Variants in KMT2E observed in about 807,000 individuals in gnomAD.
KMT2E encodes lysine methyltransferase 2E (inactive).
Under a neutral mutation model 184.6 loss-of-function variants are expected in KMT2E, and 30 were observed. The ratio of observed to expected loss-of-function variants is 0.16; its 90% confidence interval spans 0.12 to 0.22. The LOEUF (loss-of-function observed/expected upper bound fraction) is 0.22, where lower values mean the gene tolerates loss of function less well. Among genes scored for constraint, KMT2E ranks in the 10% least tolerant of loss-of-function variants. The probability of loss-of-function intolerance (pLI) is 1.00; values close to 1 mark genes in which losing one functional copy is unlikely to be tolerated. For synonymous variants in KMT2E, 815 were observed against 776.5 expected (o/e 1.05, Z -0.82); for missense variants, 2,023 against 2,237.4 (o/e 0.90, Z 1.93).
intron 13 of KMT2E, among the ~76,000 whole-genome samples, chr7:105,086,334 A>G (rs1204741248): frequency 6.6e-6 from 1 of 152,210 alleles, no homozygotes; most frequent in Admixed American, 6.5e-5. Flanking sequence ...GAATGCGCAC[A>G]GCATGAGTTT....
At position 105,027,074 on chromosome 7, in the gene KMT2E, CTTTTTTTTTTTTT is replaced by C. The variant is rs34930855; in HGVS notation, c.-188-11040_-188-11028del. Among the ~76,000 whole-genome samples, 4 of 81,940 alleles carry C rather than the reference CTTTTTTTTTTTTT, an allele frequency of 4.9e-5. 1 individual carries two copies. The highest frequency in any genetic ancestry group is 8.0e-4 in the South Asian group (2 of 2,504). The allele number at this position is 81,940 out of a possible 152,430, so 53.8% of individuals were successfully genotyped here. On this transcript the variant is annotated intron_variant, in intron 1 of 26. Transcript: ENST00000311117. ...TCCCTTTGCAGAAAGGCCCCGCCCT[CTTTTTTTTTTTTT>C]TTTTTTTTTTTGGAGACAGGGTCTT...
intron 15 of KMT2E, among the ~76,000 whole-genome samples, chr7:105,093,828 A>G (rs1284058792): frequency 6.6e-6 from 1 of 152,260 alleles, no homozygotes; most frequent in Non-Finnish European, 1.5e-5. Flanking sequence ...GAATACTTCA[A>G]AGTTTTTATA....
chr7:105,023,402 C>CAAAAAAAAAAA (rs1158885663), intron 1 of KMT2E, among the ~76,000 whole-genome samples: 12 of 55,902 alleles, frequency 2.1e-4, no homozygotes, highest in East Asian at 5.7e-4. Context: ...GACTCTGTCT[C>CAAAAAAAAAAA]AAAAAAAAAA....
intron 3 of KMT2E, among the ~76,000 whole-genome samples, chr7:105,048,155 G>T (rs903398088): frequency 2.6e-5 from 4 of 152,056 alleles, no homozygotes; most frequent in Admixed American, 2.6e-4. Flanking sequence ...TCCTATCACA[G>T]CACCCCAAGT....
intron 6 of KMT2E, among the ~76,000 whole-genome samples, chr7:105,071,730 T>C (rs1348022101): frequency 6.8e-6 from 1 of 148,010 alleles, no homozygotes; most frequent in Non-Finnish European, 1.5e-5. Flanking sequence ...GTGCTGAGAT[T>C]ACAGGCGTGG....
chr7:105,030,399 G>A (rs1206976295), intron 1 of KMT2E, among the ~76,000 whole-genome samples: 1 of 152,208 alleles, frequency 6.6e-6, no homozygotes, highest in Non-Finnish European at 1.5e-5. Context: ...TGAATTTGAA[G>A]AGGAATGAGC....
At chr7:105,073,757 TA>T in intron 7 of KMT2E, 80 bp downstream of exon 7, 1 of 822,352 alleles carries the variant, frequency 1.2e-6, no homozygotes, top group Non-Finnish European at 2.0e-6. Flanking sequence ...TAGTTAAATG[TA>T]AATATTTTTA....
At chr7:105,047,422 T>C (rs1024335365) in intron 3 of KMT2E, among the ~76,000 whole-genome samples, 2 of 152,234 alleles carry the variant, frequency 1.3e-5, no homozygotes, top group Non-Finnish European at 2.9e-5. Flanking sequence ...TGGTAACTCT[T>C]GTCTGCACAG....
rs760613529 is a variant in KMT2E at position 105,025,453 on chromosome 7, G to A, written c.-189+10918G>A. Among the ~76,000 whole-genome samples the A allele has an allele frequency of 1.8e-4, 27 of 152,018 alleles. 1 individual carries two copies. Among genetic ancestry groups the A allele is most frequent in the Admixed American group, 3.3e-4 (5 of 15,264 alleles). On this transcript the variant is annotated intron_variant, in intron 1 of 26. Transcript: ENST00000311117. The stretch of plus-strand genomic sequence containing the variant: ...GTGTGTAAGGTCTATCATATGCTAA[G>A]GTGATCACTATTTATAGTTTATGTA...
rs147196269 is a variant in KMT2E, at chr7:105,074,740, A to G, written c.654A>G (p.Ser218=). ...CAACATCAATTACTTTAACTGCTTC[A>G]AGAGTTTCCAAAGTTAATGATAAAA... The part of the protein sequence containing the change: ...HTPTSITLTA[S]RVSKVNDKRR... Residue 218 remains serine (S), a synonymous_variant, in exon 8 of 27, where the codon TCA becomes TCG. Transcript: ENST00000311117. The G allele has an allele frequency of 2.4e-5, 39 of 1,611,566 alleles. No individual in the cohort carries two copies. In the African/African-American group the frequency reaches 3.6e-4, roughly 15 times the overall value.
chr7:105,024,632 A>G (rs965436152), intron 1 of KMT2E, among the ~76,000 whole-genome samples: 1 of 152,088 alleles, frequency 6.6e-6, no homozygotes, highest in African/African-American at 2.4e-5. Flanking sequence ...GCTCATTTTT[A>G]TATTCCAGTT....
chr7:105,020,492 G>A (rs752080805), intron 1 of KMT2E, among the ~76,000 whole-genome samples: 1 of 152,100 alleles, frequency 6.6e-6, no homozygotes, highest in Non-Finnish European at 1.5e-5. Flanking sequence ...GGCTGAGGCA[G>A]GAGAATTGCT....
intron 4 of KMT2E, among the ~76,000 whole-genome samples, chr7:105,063,071 A>T (rs1014852321): frequency 2.3e-5 from 3 of 131,312 alleles, no homozygotes; most frequent in African/African-American, 3.2e-5. Flanking sequence ...GGAGCTATGT[A>T]TGTGACCATA....
chr7:105,057,837 G>A (rs1019917932), intron 3 of KMT2E, among the ~76,000 whole-genome samples: 4 of 152,084 alleles, frequency 2.6e-5, no homozygotes, highest in Non-Finnish European at 2.9e-5. Context: ...AACAGTTGAG[G>A]ACTTTTTTGT....
intron 12 of KMT2E, 30 bp downstream of exon 12, chr7:105,078,993 G>A (rs1233366992): frequency 1.7e-6 from 2 of 1,201,294 alleles, no homozygotes; most frequent in Non-Finnish European, 2.5e-6. Context: ...TTGGGGAGAT[G>A]TGGGTGCTGG....
chr7:105,077,920 T>C (rs531759886), intron 11 of KMT2E: 1 of 156,454 alleles, frequency 6.4e-6, no homozygotes, highest in Middle Eastern at 3.4e-3. Context: ...ACACCCACTT[T>C]GTTGGTATTG....
At chr7:105,110,159 ACCAAAGT>A (rs1303325956) in intron 23 of KMT2E, 114 bp from the exon 24 acceptor site, 8 of 795,934 alleles carry the variant, frequency 1.0e-5, no homozygotes, top group Non-Finnish European at 1.5e-5. Context: ...AAAGGTTAAC[ACCAAAGT>A]ATTTTCCCAG....
chr7:105,078,537 C>A (rs1018187521), intron 11 of KMT2E, among the ~76,000 whole-genome samples: 1 of 151,600 alleles, frequency 6.6e-6, no homozygotes, highest in African/African-American at 2.4e-5. Flanking sequence ...GAGACAGTCT[C>A]GCTCTATCAG....
At chr7:105,060,275 A>G (rs1796761579) in intron 3 of KMT2E, among the ~76,000 whole-genome samples, 1 of 151,908 alleles carries the variant, frequency 6.6e-6, no homozygotes, top group Non-Finnish European at 1.5e-5. Context: ...TTACAGGTGA[A>G]TATTGGTTTT....
Sources: gnomAD v4.1 joint callset for allele counts (sites outside exome capture counted in the v4.1 genomes callset) on GRCh38, gnomAD v4.1.1 for gene constraint, MANE v1.5 for transcripts, NCBI Gene and HGNC (gene_info 2026-07-23, HGNC 2026-07-21) for gene names.